NSDHL: variants seen among roughly 807,000 people sequenced by gnomAD.
NSDHL encodes NAD(P) dependent 3-beta-hydroxysteroid dehydrogenase NSDHL.
NSDHL carries 1 observed loss-of-function variant against 23.0 expected under a neutral mutation model. The ratio of observed to expected loss-of-function variants is 0.04; its 90% confidence interval spans 0.02 to 0.21. NSDHL has a LOEUF of 0.21. Among genes scored for constraint, NSDHL ranks in the 10% least tolerant of loss-of-function variants. The pLI, the probability that NSDHL is intolerant of heterozygous loss-of-function variation, is 1.00. For synonymous variants in NSDHL, 128 were observed against 121.1 expected, an observed-to-expected ratio of 1.06 and a Z score of -0.37; for missense variants, 237 against 300.9, an observed-to-expected ratio of 0.79 and a Z score of 1.57.
At chrX:152,864,817 C>T (rs781812842) in intron 5 of NSDHL, among the ~76,000 whole-genome samples, 1 of 111,808 alleles carries the variant, frequency 8.9e-6, no homozygotes, top group East Asian at 2.8e-4. Context: ...AGAGGAGGGC[C>T]AGCTCTGGGA....
Position 152,869,424 on chromosome X carries a change from C to T in NSDHL, c.*308C>T. The T allele has an allele frequency of 3.0e-6, 1 of 338,052 alleles. No homozygotes were observed. Among genetic ancestry groups the T allele is most frequent in the Non-Finnish European group, 5.3e-6 (1 of 188,282 alleles). 27.9% of individuals were successfully genotyped at this position (338,052 alleles called of 1,213,427 possible). ...CCTCTTCTGGTTTATACATTTCATT[C>T]CAGTGTCCTTGTACATAATCAAGGA... On this transcript the variant is annotated 3_prime_UTR_variant, in exon 8 of 8. Transcript: ENST00000370274.
At chrX:152,853,890 G>A (rs782256178) in intron 3 of NSDHL, among the ~76,000 whole-genome samples, 75 of 112,185 alleles carry the variant, frequency 6.7e-4, no homozygotes, top group African/African-American at 2.1e-3. Context: ...CTGCCAGTAC[G>A]GACGTCCTCT....
At chrX:152,859,408 A>T (rs1933493529) in intron 4 of NSDHL, among the ~76,000 whole-genome samples, 1 of 111,792 alleles carries the variant, frequency 8.9e-6, no homozygotes, top group African/African-American at 3.3e-5. Flanking sequence ...GCCCCTGGCA[A>T]CTACCCTTCT....
intron 4 of NSDHL, among the ~76,000 whole-genome samples, chrX:152,859,749 AG>A (rs1348653877): frequency 2.7e-5 from 3 of 112,544 alleles, no homozygotes; most frequent in Non-Finnish European, 5.6e-5. Context: ...ACCCAGAAGT[AG>A]GGTTGCTAGA....
At position 152,851,840 on chromosome X, in the gene NSDHL, A is replaced by C. The variant is rs903413241; in HGVS notation, c.267+1417A>C. Among the ~76,000 whole-genome samples, 7 of 110,992 alleles carry C rather than the reference A, an allele frequency of 6.3e-5. No homozygotes were observed. The South Asian group carries it at 1.6e-3, about 25-fold the overall frequency. On this transcript the variant is annotated intron_variant, in intron 3 of 7. Transcript: ENST00000370274. ...ATTATTATTGGTGAATTCAGCGTTC[A>C]TGTAGATGACCCTACCAATGCCCTC... is the stretch of plus-strand genomic sequence containing the variant.
chrX:152,838,821 G>A (rs1488085486), intron 1 of NSDHL, among the ~76,000 whole-genome samples: 2 of 111,561 alleles, frequency 1.8e-5, no homozygotes, highest in African/African-American at 3.3e-5. Context: ...GGTCTGCTTG[G>A]TGCAGAGCTG....
intron 1 of NSDHL, among the ~76,000 whole-genome samples, chrX:152,843,109 A>C (rs1465560975): frequency 8.9e-6 from 1 of 112,250 alleles, no homozygotes; most frequent in Non-Finnish European, 1.9e-5. Flanking sequence ...TTGTTTTGAC[A>C]AGAGGCTGGT....
Position 152,867,648 on chromosome X carries a change from C to T in NSDHL, c.764C>T (p.Ser255Phe). ...HGHILAAEQLSRDSTLGGKAF... is the reference protein window; with the variant it reads ...HGHILAAEQLFRDSTLGGKAF... ...CACATCCTGGCGGCAGAGCAGCTCT[C>T]CCGAGACTCGACACTGGGTGGGAAG... is the stretch of plus-strand genomic sequence containing the variant. The change falls in exon 7 of 8, where the codon TCC (serine) becomes TTC (phenylalanine). Residue 255 changes from serine (S) to phenylalanine (F), a missense_variant. Around this residue, in one of 3 missense-constraint regions of NSDHL, gnomAD observed 117 missense variants for 99.5 expected, o/e 1.18. Coordinates refer to ENST00000370274, the MANE Select transcript of NSDHL (RefSeq NM_015922.3). The T allele has an allele frequency of 8.3e-7, 1 of 1,205,479 alleles. No homozygotes were observed. The highest frequency in any genetic ancestry group is 1.1e-6 in the Non-Finnish European group (1 of 889,669).
intron 1 of NSDHL, among the ~76,000 whole-genome samples, chrX:152,831,470 C>T (rs1933012997): frequency 9.0e-6 from 1 of 110,741 alleles, no homozygotes; most frequent in Non-Finnish European, 1.9e-5. Context: ...AGACCAGGTT[C>T]CAAGAGAGGA....
chrX:152,867,691 G>T lies in NSDHL; in HGVS notation c.789+18G>T. On this transcript the variant is annotated intron_variant, in intron 7 of 7. Coordinates refer to ENST00000370274, the MANE Select transcript of NSDHL (RefSeq NM_015922.3). ...GTGGGAAGGTAAGGCCTGCTGCACCGGTCCCTGCACAGGTGCCTTTCTGCG... is the reference window on the plus strand; with the variant it reads ...GTGGGAAGGTAAGGCCTGCTGCACCTGTCCCTGCACAGGTGCCTTTCTGCG... 2.7e-6 allele frequency: 3 copies of T among 1,093,027 alleles called. No homozygotes were observed. The highest frequency in any genetic ancestry group is 3.8e-6 in the Non-Finnish European group (3 of 787,390). 90.1% of individuals were successfully genotyped at this position (1,093,027 alleles called of 1,213,427 possible). A position where few individuals can be genotyped will look rare whatever the true frequency, so the allele number is the denominator to read the frequency against.
In NSDHL at chrX:152,850,429, G is replaced by A; in HGVS notation, c.267+6G>A. The A allele has an allele frequency of 8.3e-7, 1 of 1,209,537 alleles. No individual in the cohort carries two copies. The highest frequency in any genetic ancestry group is 1.1e-6 in the Non-Finnish European group (1 of 893,297). ...GTGACCTCTGCAGCCGACAGGTAAT[G>A]GACCATGCAGCCTTGCTGATTTCCC... On this transcript the variant is annotated splice_donor_region_variant and intron_variant, in intron 3 of 7. Transcript: ENST00000370274.
chrX:152,850,520 C>A, intron 3 of NSDHL, 97 bp downstream of exon 3: 1 of 888,464 alleles, frequency 1.1e-6, no homozygotes, highest in Non-Finnish European at 1.7e-6. Context: ...GTTTGAAAAA[C>A]AATTGTTTCA....
chrX:152,850,226 A>G lies in NSDHL; in HGVS notation c.109-39A>G, dbSNP rs202080570. ...CTGGACTCTGTAGCTTCCAGTCCTC[A>G]CTACCCTGGTCTTCCCCACCGTTCC... On this transcript the variant is annotated intron_variant, in intron 2 of 7. Transcript: ENST00000370274. The G allele has an allele frequency of 1.8e-5, 21 of 1,191,257 alleles. No individual in the cohort carries two copies. In the East Asian group the frequency reaches 5.9e-4, roughly 34 times the overall value.
chrX:152,836,786 G>GCTCT (rs1180093391), intron 1 of NSDHL, among the ~76,000 whole-genome samples: 1 of 111,976 alleles, frequency 8.9e-6, no homozygotes, highest in East Asian at 2.8e-4. Context: ...GGCTATGTGG[G>GCTCT]CTCTTTTTTG....
intron 1 of NSDHL, 134 bp from the exon 2 acceptor site, chrX:152,846,148 G>C (rs1479382053): frequency 4.1e-6 from 2 of 486,005 alleles, no homozygotes; most frequent in Non-Finnish European, 7.5e-6. Flanking sequence ...CTAGTGTCTT[G>C]TCGAACAGCT....
At chrX:152,831,803 C>T (rs781954434) in intron 1 of NSDHL, 1 of 111,136 alleles carries the variant, frequency 9.0e-6, no homozygotes, top group South Asian at 3.8e-4. Flanking sequence ...TAGCTATCCC[C>T]GTGGCTTTTA....
intron 3 of NSDHL, among the ~76,000 whole-genome samples, chrX:152,851,452 T>C (rs967688906): frequency 3.6e-5 from 4 of 111,761 alleles, no homozygotes; most frequent in Non-Finnish European, 7.5e-5. Context: ...GTTGTACTTA[T>C]TATGGATGGC....
At chrX:152,838,561 G>C (rs1268449992) in intron 1 of NSDHL, among the ~76,000 whole-genome samples, 1 of 112,107 alleles carries the variant, frequency 8.9e-6, no homozygotes, top group Non-Finnish European at 1.9e-5. Flanking sequence ...TATTTACCCA[G>C]TAGTCATTCA....
intron 3 of NSDHL, among the ~76,000 whole-genome samples, chrX:152,851,879 T>C (rs894652562): frequency 1.8e-5 from 2 of 111,351 alleles, no homozygotes; most frequent in African/African-American, 6.5e-5. Flanking sequence ...TCTCTCATCC[T>C]TGGCCTCCTC....
Sources: gnomAD v4.1 joint callset for allele counts (sites outside exome capture counted in the v4.1 genomes callset) on GRCh38, gnomAD v4.1.1 for gene constraint, gnomAD v4.1.1 regional missense constraint, MANE v1.5 for transcripts, NCBI Gene and HGNC (gene_info 2026-07-23, HGNC 2026-07-21) for gene names.